The following UMOD variants were observed in gnomAD, a reference collection of about 807,000 sequenced individuals.
UMOD encodes the protein Tamm-Horsfall urinary glycoprotein.
A neutral mutation model predicts 66.0 loss-of-function variants in UMOD; 64 were observed. That is an observed-to-expected ratio of 0.97 (90% confidence interval 0.79 to 1.19). The LOEUF (loss-of-function observed/expected upper bound fraction) is 1.19. Among genes scored for constraint, UMOD ranks in the 50% most tolerant of loss-of-function variants. The pLI is 0.00. For synonymous variants in UMOD, 398 were observed against 352.7 expected (o/e 1.13, Z -1.44); for missense variants, 764 against 850.9 (o/e 0.90, Z 1.27).
chr16:20,338,648 C>T (rs1160948159), intron 7 of UMOD, among the ~76,000 whole-genome samples: 1 of 151,994 alleles, frequency 6.6e-6, no homozygotes, highest in Non-Finnish European at 1.5e-5. Flanking sequence ...TGTGTGCCAT[C>T]ATGCCTGGCT....
intron 1 of UMOD, chr16:20,351,533 A>T (rs182649391): frequency 2.4e-4 from 37 of 154,490 alleles, no homozygotes; most frequent in African/African-American, 8.9e-4. Context: ...TGCTTTACTG[A>T]TCACTAACAC....
upstream of UMOD, among the ~76,000 whole-genome samples, chr16:20,355,700 T>A (rs186047693): frequency 1.3e-5 from 2 of 152,096 alleles, no homozygotes; most frequent in Admixed American, 1.3e-4. Flanking sequence ...ACAACCAGCC[T>A]GAAACACTTT....
intron 10 of UMOD, among the ~76,000 whole-genome samples, chr16:20,334,602 A>C (rs1039996569): frequency 6.6e-6 from 1 of 152,078 alleles, no homozygotes; most frequent in African/African-American, 2.4e-5. Flanking sequence ...TACTATTGGG[A>C]CACAGCATAG....
intron 8 of UMOD, 43 bp from the exon 9 acceptor site, chr16:20,336,770 C>G: frequency 6.3e-7 from 1 of 1,585,294 alleles, no homozygotes; most frequent in Non-Finnish European, 8.7e-7. Context: ...CATGAAGGAG[C>G]CTGAATGTGG....
At position 20,333,210 on chromosome 16, in the gene UMOD, G is replaced by A. The variant is rs111699931; in HGVS notation, c.*104C>T. ...GAGAAAAGAAGGCAGGCTGAACAAA[G>A]CATGAACTTTCTTTTCTGTGGCTGG... is the stretch of plus-strand genomic sequence containing the variant. On this transcript the variant is annotated 3_prime_UTR_variant, in exon 11 of 11. Transcript: ENST00000396138. 36,570 of 1,199,912 alleles carry A rather than the reference G, an allele frequency of 0.03. 673 individuals carry two copies. The highest frequency in any genetic ancestry group is 0.036 in the Non-Finnish European group (29,530 of 824,984). The allele number at this position is 1,199,912 out of a possible 1,614,324, so 74.3% of individuals were successfully genotyped here. A position where few individuals can be genotyped will look rare whatever the true frequency, so the allele number is the denominator to read the frequency against.
chr16:20,341,097 T>C lies in UMOD; in HGVS notation c.1571A>G (p.Gln524Arg). The C allele has an allele frequency of 6.2e-7, 1 of 1,613,888 alleles. No individual in the cohort carries two copies. The highest frequency in any genetic ancestry group is 8.5e-7 in the Non-Finnish European group (1 of 1,179,938). ...ATDPLKYFIIQDRCPHTRDST... is the reference protein window; with the variant it reads ...ATDPLKYFIIRDRCPHTRDST... ...GTAGGAACCTTTGCCTTACCTGTCC[T>C]GGATGATGAAGTACTTCAGGGGGTC... Residue 524 changes from glutamine (Q) to arginine (R), a missense_variant, in exon 7 of 11, where the codon CAG becomes CGG. By Grantham distance (43) the Gln-to-Arg change is conservative (BLOSUM62 1). Transcript: ENST00000396138.
intron 1 of UMOD, 33 bp from the exon 2 acceptor site, chr16:20,350,872 A>T: frequency 6.5e-7 from 1 of 1,531,444 alleles, no homozygotes; most frequent in South Asian, 1.2e-5. Flanking sequence ...CAAATGCATG[A>T]TCTAACTCTC....
intron 2 of UMOD, chr16:20,349,914 TTATTAAGCAATTACTATATGCC>T: frequency 6.6e-7 from 1 of 1,514,092 alleles, no homozygotes; most frequent in South Asian, 1.3e-5. Context: ...AAGCTGTTGT[TTATTAAGCAATTACTATATGCC>T]AGGCAATAGG....
In UMOD at chr16:20,350,692, A is replaced by C; in HGVS notation, c.46T>G (p.Ser16Ala). ...GTGGCTGCAGTTGTGATGAACCAAG[A>C]GGCCACCACCACCATCAGCATCCAA... is the stretch of plus-strand genomic sequence containing the variant. Reference protein sequence around the residue: ...LTWMLMVVVASWFITTAATDT... With the variant: ...LTWMLMVVVAAWFITTAATDT... The change falls in exon 2 of 11, where the codon TCT (serine) becomes GCT (alanine). Residue 16 changes from serine to alanine, a missense_variant. Physicochemically the swap from Ser to Ala is moderately conservative, Grantham distance 99 (BLOSUM62 1). Transcript: ENST00000396138. 6.2e-7 allele frequency: 1 copy of C among 1,614,152 alleles called. No homozygotes were observed. The highest frequency in any genetic ancestry group is 1.3e-5 in the African/African-American group (1 of 75,018).
intron 7 of UMOD, among the ~76,000 whole-genome samples, chr16:20,340,716 C>T (rs1965156994): frequency 1.3e-5 from 2 of 151,774 alleles, no homozygotes; most frequent in Admixed American, 6.6e-5. Context: ...ATTTTTCAGC[C>T]AGGCGTGGTG....
chr16:20,337,989 G>C (rs886512495), intron 7 of UMOD, among the ~76,000 whole-genome samples: 1 of 152,210 alleles, frequency 6.6e-6, no homozygotes, highest in African/African-American at 2.4e-5. Flanking sequence ...CATGTGCTGG[G>C]CTGGGTCAGG....
intron 7 of UMOD, among the ~76,000 whole-genome samples, chr16:20,339,449 A>G (rs568089197): frequency 2.3e-4 from 35 of 152,270 alleles, no homozygotes; most frequent in Non-Finnish European, 4.7e-4. Flanking sequence ...GAACAGGACC[A>G]TACAATGAGG....
In UMOD at chr16:20,346,214, CGGCTGTCACTCA is replaced by C; in HGVS notation, c.1082_1093del (p.Leu361_Ser364del). The C allele has an allele frequency of 6.2e-7, 1 of 1,614,244 alleles. No individual in the cohort carries two copies. The highest frequency in any genetic ancestry group is 1.6e-4 in the Middle Eastern group (1 of 6,062). ...GTCTCTGTCATTGAAGCCCGAGCAC[CGGCTGTCACTCA>C]GGTACATGAAGACCTTGTCGAAGCC... On this transcript the variant is annotated inframe_deletion, in exon 5 of 11. Coordinates refer to ENST00000396138, the MANE Select transcript of UMOD (RefSeq NM_003361.4).
Position 20,348,449 on chromosome 16 carries a change from C to T in UMOD, c.852G>A (p.Leu284=). 1 of 1,613,758 alleles carries T rather than the reference C, an allele frequency of 6.2e-7. No homozygotes were observed. The highest frequency in any genetic ancestry group is 8.5e-7 in the Non-Finnish European group (1 of 1,179,946). Residue 284 remains leucine, a synonymous_variant, in exon 3 of 11, where the codon CTG becomes CTA. Coordinates refer to ENST00000396138, the MANE Select transcript of UMOD (RefSeq NM_003361.4). ...YNLTAPPECH[L]AYCTDPSSVE... is the part of the protein sequence containing the mutation. ...ACTCCGGCTGACCTGTGCAGTACGC[C>T]AGGTGACACTCGGGGGGCGCTGTCA...
At chr16:20,355,619 C>T (rs1239984614), upstream of UMOD, among the ~76,000 whole-genome samples, 7 of 151,872 alleles carry the variant, frequency 4.6e-5, no homozygotes, top group African/African-American at 1.5e-4. Flanking sequence ...AGGCTGGTCT[C>T]GAACTCCTGA....
At position 20,333,156 on chromosome 16, in the gene UMOD, G is replaced by C. The variant is rs550989496; in HGVS notation, c.*158C>G. ...GAAAAAGCAGCATTTAAAGACACAG[G>C]CTGTTTCTCGACAGCCAGGATTAAA... On this transcript the variant is annotated 3_prime_UTR_variant, in exon 11 of 11. Transcript: ENST00000396138. 4 of 765,008 alleles carry C rather than the reference G, an allele frequency of 5.2e-6. No individual in the cohort carries two copies. Among genetic ancestry groups the C allele is most frequent in the Non-Finnish European group, 9.1e-6 (4 of 440,334 alleles). 47.4% of individuals were successfully genotyped at this position (765,008 alleles called of 1,614,324 possible). A position where few individuals can be genotyped will look rare whatever the true frequency, so the allele number is the denominator to read the frequency against.
chr16:20,352,282 G>T (rs1041193892), intron 1 of UMOD, among the ~76,000 whole-genome samples: 2 of 152,016 alleles, frequency 1.3e-5, no homozygotes, highest in African/African-American at 4.8e-5. Flanking sequence ...TTAATTAAAA[G>T]AAGTCCCTGG....
intron 1 of UMOD, 196 bp from the exon 2 acceptor site, chr16:20,351,035 G>C: frequency 2.2e-6 from 1 of 445,864 alleles, no homozygotes; most frequent in Non-Finnish European, 4.1e-6. Context: ...CAACATCCCA[G>C]TCTTGGCTCC....
At chr16:20,341,550 A>C (rs965324782) in intron 6 of UMOD, among the ~76,000 whole-genome samples, 6 of 152,120 alleles carry the variant, frequency 3.9e-5, no homozygotes, top group Admixed American at 6.5e-5. Flanking sequence ...TGATTTGGTG[A>C]GTATTGGGGT....
Sources: allele counts gnomAD v4.1 joint callset (sites outside exome capture counted in the v4.1 genomes callset), GRCh38; gene constraint gnomAD v4.1.1; transcripts MANE v1.5; gene names NCBI Gene and HGNC (gene_info 2026-07-23, HGNC 2026-07-21).